MB21D2: variants seen among roughly 807,000 people sequenced by gnomAD.
The protein encoded by MB21D2 is Mab-21 domain containing 2, also known as nucleotidyltransferase MB21D2.
A neutral mutation model predicts 33.3 loss-of-function variants in MB21D2; 9 were observed. The observed-to-expected ratio is 0.27, with a 90% CI of 0.16 to 0.47. The LOEUF is 0.47. MB21D2 is among the 20% of genes least tolerant of loss of function. The pLI, the probability that MB21D2 is intolerant of heterozygous loss-of-function variation, is 0.99. For missense variants in MB21D2, 540 were observed against 624.6 expected, an observed-to-expected ratio of 0.86 and a Z score of 1.44; for synonymous variants, 241 against 236.3, an observed-to-expected ratio of 1.02 and a Z score of -0.18.
At chr3:192,804,548 ATC>A (rs1256375476) in intron 1 of MB21D2, among the ~76,000 whole-genome samples, 86 of 152,302 alleles carry the variant, frequency 5.6e-4, no homozygotes, top group African/African-American at 1.9e-3. Context: ...GATAAATTTT[ATC>A]TTTTTATATA....
At chr3:192,844,859 C>T (rs190228708) in intron 1 of MB21D2, among the ~76,000 whole-genome samples, 4 of 152,198 alleles carry the variant, frequency 2.6e-5, no homozygotes, top group Non-Finnish European at 5.9e-5. Flanking sequence ...CAAGAGCCCC[C>T]CTTTGATGTG....
chr3:192,821,438 C>T (rs541482611), intron 1 of MB21D2, among the ~76,000 whole-genome samples: 1 of 152,256 alleles, frequency 6.6e-6, no homozygotes, highest in East Asian at 1.9e-4. Flanking sequence ...CCCTGGGAGA[C>T]CGCAGAGCAC....
chr3:192,834,677 C>T (rs1208155655), intron 1 of MB21D2, among the ~76,000 whole-genome samples: 2 of 152,214 alleles, frequency 1.3e-5, no homozygotes, highest in African/African-American at 4.8e-5. Context: ...GCTGTTCTAC[C>T]GTGAGAGCAA....
chr3:192,840,969 T>C (rs936818813), intron 1 of MB21D2, among the ~76,000 whole-genome samples: 26 of 152,240 alleles, frequency 1.7e-4, no homozygotes, highest in African/African-American at 5.8e-4. Context: ...ACCATTTGTA[T>C]AGTGGACAGA....
At chr3:192,896,671 T>C (rs1447348311) in intron 1 of MB21D2, among the ~76,000 whole-genome samples, 1 of 152,220 alleles carries the variant, frequency 6.6e-6, no homozygotes, top group African/African-American at 2.4e-5. Flanking sequence ...GGAAACTAAG[T>C]CTTCCCCTAC....
intron 1 of MB21D2, among the ~76,000 whole-genome samples, chr3:192,878,718 C>T (rs1431059385): frequency 1.3e-5 from 2 of 152,190 alleles, no homozygotes; most frequent in Non-Finnish European, 1.5e-5. Flanking sequence ...AATCCCAGCA[C>T]TTTGGGAGGC....
intron 1 of MB21D2, among the ~76,000 whole-genome samples, chr3:192,801,844 T>TA (rs1296798227): frequency 3.3e-5 from 5 of 152,378 alleles, no homozygotes; most frequent in Middle Eastern, 6.8e-3. Context: ...ATATGCTCTT[T>TA]AAAATCCTAT....
intron 1 of MB21D2, among the ~76,000 whole-genome samples, chr3:192,807,921 G>C (rs1711701526): frequency 6.7e-6 from 1 of 149,584 alleles, no homozygotes; most frequent in African/African-American, 2.4e-5. Flanking sequence ...AAACAACCAA[G>C]TTTTATTTTT....
intron 1 of MB21D2, among the ~76,000 whole-genome samples, chr3:192,862,877 C>G (rs1339925406): frequency 6.6e-6 from 1 of 152,146 alleles, no homozygotes; most frequent in Non-Finnish European, 1.5e-5. Flanking sequence ...AGATTCCGTG[C>G]CTGGGGGAGG....
rs529477009 is a variant in MB21D2 at position 192,807,966 on chromosome 3, G to A, written c.212-8316C>T. 7.9e-5 allele frequency among the ~76,000 whole-genome samples: 12 copies of A among 152,114 alleles called. No individual in the cohort carries two copies. The East Asian group carries it at 2.3e-3, about 29-fold the overall frequency. On this transcript the variant is annotated intron_variant, in intron 1 of 1. Coordinates refer to ENST00000392452, the MANE Select transcript of MB21D2 (RefSeq NM_178496.4). ...TAGATGACCATCAAGGGTGAGTGGG[G>A]CGGGAGGGATTGGGGGCGCTTTTCT...
At chr3:192,884,514 C>G (rs1042154667) in intron 1 of MB21D2, among the ~76,000 whole-genome samples, 21 of 141,780 alleles carry the variant, frequency 1.5e-4, no homozygotes, top group Non-Finnish European at 2.9e-4. Flanking sequence ...CTACAGGCGC[C>G]CGCCACCACG....
chr3:192,899,605 A>T (rs1229249130), intron 1 of MB21D2, among the ~76,000 whole-genome samples: 1 of 152,242 alleles, frequency 6.6e-6, no homozygotes, highest in Non-Finnish European at 1.5e-5. Flanking sequence ...AGCATGGAGA[A>T]GGGCTTGAAA....
At chr3:192,805,910 A>G (rs1383440899) in intron 1 of MB21D2, among the ~76,000 whole-genome samples, 1 of 152,262 alleles carries the variant, frequency 6.6e-6, no homozygotes, top group African/African-American at 2.4e-5. Flanking sequence ...GAGTTATTTT[A>G]AAGATTTAAT....
chr3:192,852,711 T>C (rs1712832999), intron 1 of MB21D2, among the ~76,000 whole-genome samples: 1 of 152,096 alleles, frequency 6.6e-6, no homozygotes, highest in Non-Finnish European at 1.5e-5. Context: ...AATTGAGAGG[T>C]GGATGACTGC....
chr3:192,859,435 T>C (rs989942285), intron 1 of MB21D2, among the ~76,000 whole-genome samples: 6 of 152,106 alleles, frequency 3.9e-5, no homozygotes, highest in African/African-American at 1.4e-4. Flanking sequence ...GACAGCACTT[T>C]TGCTGTCAGA....
chr3:192,848,740 G>A (rs1450989384), intron 1 of MB21D2, among the ~76,000 whole-genome samples: 5 of 152,156 alleles, frequency 3.3e-5, no homozygotes, highest in Admixed American at 3.3e-4. Flanking sequence ...ACACAAGGTA[G>A]GCAAATGATT....
At chr3:192,839,361 T>C (rs544935372) in intron 1 of MB21D2, among the ~76,000 whole-genome samples, 28 of 152,316 alleles carry the variant, frequency 1.8e-4, no homozygotes, top group African/African-American at 6.5e-4. Context: ...CTCCAAACTA[T>C]GTTTTCTTTC....
At chr3:192,873,417 G>A (rs1338145290) in intron 1 of MB21D2, among the ~76,000 whole-genome samples, 1 of 152,094 alleles carries the variant, frequency 6.6e-6, no homozygotes, top group African/African-American at 2.4e-5. Context: ...GGCTTCTCAG[G>A]ACCGCAAGTA....
In MB21D2 at chr3:192,917,794, C is replaced by T; in HGVS notation, c.47G>A (p.Cys16Tyr). ...PTANKAASLG[C>Y]NNKPAFPELD... ...CTCCGGGAACGCAGGCTTGTTGTTA[C>T]AGCCCAGGGAGGCTGCCTTGTTGGC... Residue 16 changes from cysteine to tyrosine, a missense_variant, in exon 1 of 2, where the codon TGT becomes TAT. Transcript: ENST00000392452. 1 of 1,613,410 alleles carries T rather than the reference C, an allele frequency of 6.2e-7. No individual in the cohort carries two copies. Among genetic ancestry groups the T allele is most frequent in the Non-Finnish European group, 8.5e-7 (1 of 1,180,036 alleles).
Sources: allele counts gnomAD v4.1 joint callset (sites outside exome capture counted in the v4.1 genomes callset), GRCh38; gene constraint gnomAD v4.1.1; transcripts MANE v1.5; gene names NCBI Gene and HGNC (gene_info 2026-07-23, HGNC 2026-07-21).